MEGF6: variants seen among roughly 807,000 people sequenced by gnomAD.
MEGF6 encodes the protein multiple epidermal growth factor-like domains protein 6.
A neutral mutation model predicts 207.1 loss-of-function variants in MEGF6; 184 were observed. The observed-to-expected ratio is 0.89, with a 90% CI of 0.79 to 1.00. The LOEUF is 1.00. MEGF6 is among the 50% of genes least tolerant of loss of function. MEGF6 has a pLI of 0.00. For synonymous variants in MEGF6, 1,038 were observed against 910.0 expected (o/e 1.14, Z -2.53); for missense variants, 2,282 against 2,202.9 (o/e 1.04, Z -0.72).
At chr1:3,624,512 GC>G in the MEGF6 span, 1 of 152,352 alleles carries the variant, frequency 6.6e-6, no homozygotes, top group Non-Finnish European at 1.5e-5. Context: ...GAAGATCGCT[GC>G]CCGGCGTGCG....
At chr1:3,492,583 C>T in intron 35 of MEGF6, 56 bp downstream of exon 35, 1 of 1,592,034 alleles carries the variant, frequency 6.3e-7, no homozygotes. Context: ...CAGGGTGGAG[C>T]TGAGGCTGAT....
At chr1:3,518,696 T>G (rs1641632662) in intron 5 of MEGF6, among the ~76,000 whole-genome samples, 1 of 152,260 alleles carries the variant, frequency 6.6e-6, no homozygotes, top group East Asian at 1.9e-4. Flanking sequence ...TTCTGGTCCC[T>G]GCTGGTTTCA....
chr1:3,500,906 T>C (rs1366062256), intron 20 of MEGF6, 60 bp downstream of exon 20: 2 of 1,608,264 alleles, frequency 1.2e-6, no homozygotes, highest in African/African-American at 2.7e-5. Context: ...GGCAGAGGCC[T>C]CTCCAGGGGC....
intron 2 of MEGF6, among the ~76,000 whole-genome samples, chr1:3,598,819 C>G (rs143533936): frequency 0.018 from 2,774 of 151,024 alleles, 66 homozygotes; most frequent in South Asian, 0.086. Flanking sequence ...GGGACCTGAG[C>G]GGCAGCTCCA....
At chr1:3,600,422 G>C (rs1644139175) in intron 2 of MEGF6, among the ~76,000 whole-genome samples, 1 of 152,170 alleles carries the variant, frequency 6.6e-6, no homozygotes, top group Admixed American at 6.5e-5. Flanking sequence ...AGGGCAAATG[G>C]GCAAGGGCTC....
chr1:3,567,959 C>A (rs945924608), intron 4 of MEGF6, among the ~76,000 whole-genome samples: 9 of 152,224 alleles, frequency 5.9e-5, no homozygotes, highest in African/African-American at 2.2e-4. Context: ...CTGGACCCTT[C>A]TTCCCAAGGG....
the MEGF6 span, chr1:3,623,478 A>C: frequency 2.6e-5 from 4 of 152,202 alleles, no homozygotes; most frequent in African/African-American, 9.7e-5. Context: ...CCAAGAACAC[A>C]TTGCCCTGAC....
At position 3,497,281 on chromosome 1, in the gene MEGF6, C is replaced by A. The variant is rs1640651330; in HGVS notation, c.3433G>T (p.Gly1145Trp). The change falls in exon 27 of 37, where the codon GGG becomes TGG. Residue 1145 changes from glycine to tryptophan, a missense_variant. Gly to Trp is a radical substitution (Grantham distance 184). Transcript: ENST00000356575. The part of the protein sequence containing the change: ...PPGAACHHVT[G>W]ACRCPPGFTG... ...AAGCCAGGGGGACAGCGGCAGGCCC[C>A]AGTGACGTGGTGGCAGGCAGCGCCA... The A allele has an allele frequency of 1.0e-5, 16 of 1,551,262 alleles. No homozygotes were observed. Among genetic ancestry groups the A allele is most frequent in the Non-Finnish European group, 1.4e-5 (16 of 1,151,182 alleles).
At chr1:3,558,648 G>A (rs1237779482) in intron 4 of MEGF6, among the ~76,000 whole-genome samples, 1 of 152,232 alleles carries the variant, frequency 6.6e-6, no homozygotes, top group East Asian at 1.9e-4. Flanking sequence ...GAAAAACACA[G>A]AAACCAGAAC....
chr1:3,539,095 G>T (rs1011018810), intron 4 of MEGF6, among the ~76,000 whole-genome samples: 21 of 152,190 alleles, frequency 1.4e-4, no homozygotes, highest in African/African-American at 5.1e-4. Flanking sequence ...CCCAGGGGGT[G>T]AGGGGTAGAG....
intron 9 of MEGF6, 65 bp downstream of exon 9, chr1:3,511,485 C>A: frequency 2.0e-6 from 3 of 1,537,768 alleles, no homozygotes; most frequent in Non-Finnish European, 2.6e-6. Context: ...GAACTGATCC[C>A]AGACCCAGGG....
At chr1:3,521,903 G>A (rs2101165134) in intron 5 of MEGF6, among the ~76,000 whole-genome samples, 1 of 152,314 alleles carries the variant, frequency 6.6e-6, no homozygotes, top group African/African-American at 2.4e-5. Context: ...CCTAGAAATG[G>A]GGCTAGTCCT....
intron 35 of MEGF6, among the ~76,000 whole-genome samples, chr1:3,491,433 A>G (rs928124008): frequency 1.3e-5 from 2 of 152,116 alleles, no homozygotes; most frequent in Non-Finnish European, 2.9e-5. Context: ...TCCCTGCACC[A>G]GCGCACAGGC....
intron 34 of MEGF6, 156 bp downstream of exon 34, chr1:3,493,615 A>G (rs1640469022): frequency 1.9e-6 from 2 of 1,034,192 alleles, no homozygotes; most frequent in Admixed American, 5.8e-5. Context: ...CCAGCAGCTG[A>G]CTCCAGCCCC....
chr1:3,561,381 C>T (rs1030771694), intron 4 of MEGF6, among the ~76,000 whole-genome samples: 11 of 152,196 alleles, frequency 7.2e-5, no homozygotes, highest in African/African-American at 2.2e-4. Flanking sequence ...CCACACAGGA[C>T]CCCAGGGTGA....
chr1:3,503,401 C>T (rs1171366274), intron 17 of MEGF6, among the ~76,000 whole-genome samples: 1 of 152,054 alleles, frequency 6.6e-6, no homozygotes. Context: ...TCTATCAACA[C>T]TCGGATGTCA....
intron 5 of MEGF6, among the ~76,000 whole-genome samples, chr1:3,517,158 G>A (rs1641572887): frequency 6.6e-6 from 1 of 152,214 alleles, no homozygotes; most frequent in Admixed American, 6.5e-5. Flanking sequence ...CACGTAATAG[G>A]AAACAGACCC....
At chr1:3,599,792 A>G (rs1164634556) in intron 2 of MEGF6, among the ~76,000 whole-genome samples, 2 of 152,162 alleles carry the variant, frequency 1.3e-5, no homozygotes, top group South Asian at 2.1e-4. Flanking sequence ...GAGGAAGCCC[A>G]GGCCAGCCCC....
chr1:3,556,834 G>A lies in MEGF6; in HGVS notation c.481+22991C>T, dbSNP rs1643046629. ...AGACCGGAGAATGTTAAAAACTGCC[G>A]AGCCTGCCGGGTGAGGATGGTGAGG... is the stretch of plus-strand genomic sequence containing the variant. On this transcript the variant is annotated intron_variant, in intron 4 of 36. Coordinates refer to ENST00000356575, the MANE Select transcript of MEGF6 (RefSeq NM_001409.4). This position sits in a 1 kb window ranked among gnomAD's most constrained non-coding sequence, Gnocchi z 4.4. Among the ~76,000 whole-genome samples the A allele has an allele frequency of 6.6e-6, 1 of 152,210 alleles. No individual in the cohort carries two copies. Among genetic ancestry groups the A allele is most frequent in the Non-Finnish European group, 1.5e-5 (1 of 68,032 alleles).
Sources: gnomAD v4.1 joint callset for allele counts (sites outside exome capture counted in the v4.1 genomes callset) on GRCh38, gnomAD v4.1.1 for gene constraint, Gnocchi (gnomAD v3.1) non-coding constraint, MANE v1.5 for transcripts, NCBI Gene and HGNC (gene_info 2026-07-23, HGNC 2026-07-21) for gene names.